NRG3: variants seen among roughly 807,000 people sequenced by gnomAD.
NRG3 encodes the protein neuregulin 3.
In NRG3, 31 loss-of-function variants were observed where a neutral mutation model predicts 66.9. The observed-to-expected ratio is 0.46, with a 90% CI of 0.35 to 0.63. NRG3 has a LOEUF of 0.63. NRG3 is among the 20% of genes least tolerant of loss of function. NRG3 has a pLI of 0.00. For missense variants in NRG3, 910 were observed against 878.9 expected (o/e 1.04, Z -0.45); for synonymous variants, 393 against 359.4 (o/e 1.09, Z -1.06).
intron 1 of NRG3, among the ~76,000 whole-genome samples, chr10:81,924,023 G>A (rs1185784505): frequency 6.6e-6 from 1 of 152,204 alleles, no homozygotes; most frequent in Non-Finnish European, 1.5e-5. Flanking sequence ...CTGAGTGAAT[G>A]CAGTGGACAG....
intron 3 of NRG3, among the ~76,000 whole-genome samples, chr10:82,781,276 C>G (rs958755619): frequency 6.6e-6 from 1 of 152,140 alleles, no homozygotes; most frequent in Non-Finnish European, 1.5e-5. Context: ...ATCCAGACTG[C>G]CTTTCAAGGG....
intron 2 of NRG3, among the ~76,000 whole-genome samples, chr10:82,361,295 A>G (rs1182280013): frequency 6.6e-6 from 1 of 152,200 alleles, no homozygotes; most frequent in African/African-American, 2.4e-5. Context: ...TTTAACATAG[A>G]CTCACAACAT....
rs977390260 is a variant in NRG3, at chr10:82,544,861, CTG to C, written c.953+185995_953+185996del. The stretch of plus-strand genomic sequence containing the variant: ...TATGATAAAGTAAAAAGCAAAGTTT[CTG>C]TAACTTTAACATGAAACCAGGAGCT... On this transcript the variant is annotated intron_variant, in intron 2 of 8. Transcript: ENST00000372141. Among the ~76,000 whole-genome samples, 8 of 152,214 alleles carry C rather than the reference CTG, an allele frequency of 5.3e-5. 1 individual carries two copies. The highest frequency in any genetic ancestry group is 1.9e-4 in the African/African-American group (8 of 41,462).
chr10:82,438,337 CCACAG>C (rs2090251553), intron 2 of NRG3, among the ~76,000 whole-genome samples: 1 of 152,240 alleles, frequency 6.6e-6, no homozygotes. Flanking sequence ...CCACAGACTG[CCACAG>C]CCAGTGTGTT....
intron 5 of NRG3, among the ~76,000 whole-genome samples, chr10:82,958,351 T>C (rs1212312361): frequency 6.6e-6 from 1 of 152,180 alleles, no homozygotes; most frequent in East Asian, 1.9e-4. Context: ...ATCTGTGAAA[T>C]GATACATATA....
chr10:82,403,007 A>G (rs757504718), intron 2 of NRG3, among the ~76,000 whole-genome samples: 16 of 152,180 alleles, frequency 1.1e-4, no homozygotes, highest in Non-Finnish European at 2.4e-4. Context: ...ATTTAAAGGA[A>G]TCTATGTGAT....
chr10:82,289,075 G>A (rs2079577756), intron 1 of NRG3, among the ~76,000 whole-genome samples: 1 of 152,206 alleles, frequency 6.6e-6, no homozygotes, highest in Non-Finnish European at 1.5e-5. Flanking sequence ...TCTCTTCTAA[G>A]TCCATGCTGC....
At chr10:82,747,101 A>C (rs922755886) in intron 3 of NRG3, among the ~76,000 whole-genome samples, 1 of 152,038 alleles carries the variant, frequency 6.6e-6, no homozygotes, top group African/African-American at 2.4e-5. Flanking sequence ...ACAACAACAA[A>C]AAAAGGAACA....
intron 1 of NRG3, among the ~76,000 whole-genome samples, chr10:81,963,502 T>C (rs112994737): frequency 0.014 from 2,125 of 152,268 alleles, 24 homozygotes; most frequent in African/African-American, 0.033. Flanking sequence ...ATGCTTAAAA[T>C]AGATTGAATT....
chr10:82,899,562 G>A (rs1844008056), intron 4 of NRG3, among the ~76,000 whole-genome samples: 1 of 152,150 alleles, frequency 6.6e-6, no homozygotes, highest in Admixed American at 6.5e-5. Flanking sequence ...AGAATCAGTA[G>A]CTTTGTCAGC....
intron 1 of NRG3, among the ~76,000 whole-genome samples, chr10:82,062,144 C>G (rs1305936071): frequency 6.6e-6 from 1 of 152,104 alleles, no homozygotes; most frequent in East Asian, 1.9e-4. Context: ...GCCCGGGAAA[C>G]AAAGCCCTGC....
At chr10:82,144,654 C>T (rs925557891) in intron 1 of NRG3, among the ~76,000 whole-genome samples, 2 of 152,198 alleles carry the variant, frequency 1.3e-5, no homozygotes, top group African/African-American at 4.8e-5. Context: ...CAGTGCTCAG[C>T]CTTCCCCAAC....
intron 1 of NRG3, among the ~76,000 whole-genome samples, chr10:82,074,896 C>T (rs573429709): frequency 2.0e-5 from 3 of 152,264 alleles, no homozygotes; most frequent in South Asian, 2.1e-4. Flanking sequence ...ACATTGTCCT[C>T]CAATATGACT....
At chr10:82,147,963 T>C (rs1392309499) in intron 1 of NRG3, among the ~76,000 whole-genome samples, 2 of 152,166 alleles carry the variant, frequency 1.3e-5, no homozygotes, top group Non-Finnish European at 2.9e-5. Flanking sequence ...GGAAAAGCGT[T>C]TTAAAAGAAG....
chr10:81,970,330 C>T (rs1438591479), intron 1 of NRG3, among the ~76,000 whole-genome samples: 2 of 152,156 alleles, frequency 1.3e-5, no homozygotes, highest in African/African-American at 2.4e-5. Context: ...AATTATCCCT[C>T]TAGATATAAT....
intron 8 of NRG3, among the ~76,000 whole-genome samples, chr10:82,984,108 T>A (rs192723165): frequency 6.0e-4 from 92 of 152,334 alleles, no homozygotes; most frequent in African/African-American, 2.1e-3. Flanking sequence ...AAAATTTGAA[T>A]GTTTACTGTT....
intron 2 of NRG3, among the ~76,000 whole-genome samples, chr10:82,601,225 T>C (rs573901952): frequency 2.0e-5 from 3 of 152,344 alleles, no homozygotes; most frequent in African/African-American, 7.2e-5. Context: ...TGTATGACTT[T>C]GCTATTGTGA....
intron 1 of NRG3, among the ~76,000 whole-genome samples, chr10:82,100,798 G>T (rs1473171594): frequency 6.6e-6 from 1 of 151,944 alleles, no homozygotes; most frequent in Non-Finnish European, 1.5e-5. Flanking sequence ...TTGTGTCTGT[G>T]TTCAACAGGA....
At chr10:82,061,378 A>G (rs1451547787) in intron 1 of NRG3, among the ~76,000 whole-genome samples, 3 of 151,298 alleles carry the variant, frequency 2.0e-5, no homozygotes, top group Admixed American at 1.3e-4. Flanking sequence ...AAACAGAAAA[A>G]CAATAATTTT....
Sources: allele counts gnomAD v4.1 joint callset (sites outside exome capture counted in the v4.1 genomes callset), GRCh38; gene constraint gnomAD v4.1.1; transcripts MANE v1.5; gene names NCBI Gene and HGNC (gene_info 2026-07-23, HGNC 2026-07-21).